COL4A6: variants seen among roughly 807,000 people sequenced by gnomAD.
The protein encoded by COL4A6 is collagen type IV alpha 6 chain, also known as collagen alpha-6(IV) chain.
In COL4A6, 59 loss-of-function variants were observed where a neutral mutation model predicts 126.7. That is an observed-to-expected ratio of 0.47 (90% confidence interval 0.38 to 0.58). COL4A6 has a LOEUF of 0.58. Ranked by LOEUF, COL4A6 falls within the 20% of genes least tolerant of loss-of-function variation. The pLI, the probability that COL4A6 is intolerant of heterozygous loss-of-function variation, is 0.00. For synonymous variants in COL4A6, 547 were observed against 496.6 expected, an observed-to-expected ratio of 1.10 and a Z score of -1.35; for missense variants, 1,285 against 1,337.3, an observed-to-expected ratio of 0.96 and a Z score of 0.61.
At chrX:108,276,437 T>C (rs1381798097) in intron 3 of COL4A6, among the ~76,000 whole-genome samples, 1 of 112,771 alleles carries the variant, frequency 8.9e-6, no homozygotes, top group Non-Finnish European at 1.9e-5. Context: ...AGCTAGAAGA[T>C]AGGCACTTTA....
At chrX:108,317,370 T>G (rs1001632887) in intron 2 of COL4A6, among the ~76,000 whole-genome samples, 1 of 111,834 alleles carries the variant, frequency 8.9e-6, no homozygotes, top group Non-Finnish European at 1.9e-5. Flanking sequence ...GATATTCAAA[T>G]GGAGGAGTTG....
At chrX:108,424,638 T>C (rs1382472352) in intron 2 of COL4A6, among the ~76,000 whole-genome samples, 1 of 111,710 alleles carries the variant, frequency 9.0e-6, no homozygotes, top group Non-Finnish European at 1.9e-5. Flanking sequence ...TATGATATAG[T>C]GTATTGAAAC....
chrX:108,299,471 A>T (rs2147873135), intron 3 of COL4A6, among the ~76,000 whole-genome samples: 1 of 111,083 alleles, frequency 9.0e-6, no homozygotes, highest in East Asian at 2.8e-4. Flanking sequence ...TCTGGGCCCC[A>T]CAGCATGTTC....
At chrX:108,322,776 A>C (rs1347497453) in intron 2 of COL4A6, among the ~76,000 whole-genome samples, 1 of 112,181 alleles carries the variant, frequency 8.9e-6, no homozygotes, top group Non-Finnish European at 1.9e-5. Flanking sequence ...TAGCAAATAA[A>C]AATACAGGAT....
At chrX:108,361,326 C>T (rs2040080525) in intron 2 of COL4A6, among the ~76,000 whole-genome samples, 1 of 111,293 alleles carries the variant, frequency 9.0e-6, no homozygotes, top group Non-Finnish European at 1.9e-5. Flanking sequence ...CAAAAGTTAT[C>T]TGGAGAGAGA....
At chrX:108,402,780 C>CCAT (rs2041116861) in intron 2 of COL4A6, among the ~76,000 whole-genome samples, 2 of 110,521 alleles carry the variant, frequency 1.8e-5, no homozygotes, top group Admixed American at 9.7e-5. Context: ...TTGTTGTTGA[C>CCAT]GTCATATGGT....
chrX:108,424,941 G>A (rs1569463836), intron 2 of COL4A6, among the ~76,000 whole-genome samples: 3 of 110,698 alleles, frequency 2.7e-5, no homozygotes, highest in Admixed American at 9.6e-5. Context: ...GAGCTGGGGA[G>A]GTTGAGGTTA....
At chrX:108,325,816 A>T (rs1210164748) in intron 2 of COL4A6, among the ~76,000 whole-genome samples, 1 of 111,658 alleles carries the variant, frequency 9.0e-6, no homozygotes, top group Non-Finnish European at 1.9e-5. Context: ...AAGAAAAAAA[A>T]AAAAAACTAT....
At chrX:108,169,467 G>C in intron 37 of COL4A6, 28 bp downstream of exon 37, 2 of 1,208,969 alleles carry the variant, frequency 1.7e-6, no homozygotes, top group Non-Finnish European at 2.2e-6. Flanking sequence ...GCCTCACTCA[G>C]CCTCTACAAG....
chrX:108,328,782 C>A (rs1462871545), intron 2 of COL4A6, among the ~76,000 whole-genome samples: 1 of 112,043 alleles, frequency 8.9e-6, no homozygotes, highest in Non-Finnish European at 1.9e-5. Context: ...TATTGCAGCA[C>A]TATTCACAAT....
chrX:108,162,935 G>A lies in COL4A6; in HGVS notation c.4173C>T (p.Gly1391=). 5 of 1,200,457 alleles carry A rather than the reference G, an allele frequency of 4.2e-6. No individual in the cohort carries two copies. Among genetic ancestry groups the A allele is most frequent in the Non-Finnish European group, 5.6e-6 (5 of 889,940 alleles). ...LGLPGIDGIP[G]LTGDPGAQGP... Reference sequence around the variant, plus strand: ...CTTGAGCCCCAGGGTCCCCAGTGAGGCCAGGGATGCCATCGATCCCTGGTA... The same window carrying A: ...CTTGAGCCCCAGGGTCCCCAGTGAGACCAGGGATGCCATCGATCCCTGGTA... Residue 1391 remains glycine (G), a synonymous_variant, in exon 41 of 45, where the codon GGC becomes GGT. Coordinates refer to ENST00000334504, the MANE Select transcript of COL4A6 (RefSeq NM_033641.4).
intron 21 of COL4A6, 99 bp from the exon 22 acceptor site, chrX:108,188,126 T>C (rs971063615): frequency 2.4e-5 from 16 of 660,083 alleles, no homozygotes; most frequent in Middle Eastern, 4.3e-4. Flanking sequence ...CTTGGGTACA[T>C]ATTGGCACTG....
intron 27 of COL4A6, among the ~76,000 whole-genome samples, chrX:108,178,088 G>A (rs1197506791): frequency 8.9e-6 from 1 of 112,452 alleles, no homozygotes; most frequent in East Asian, 2.8e-4. Context: ...AAATAACTCA[G>A]CTTCAGTCAC....
intron 3 of COL4A6, among the ~76,000 whole-genome samples, chrX:108,249,000 C>A (rs1051117172): frequency 5.5e-5 from 6 of 109,597 alleles, no homozygotes; most frequent in Non-Finnish European, 9.5e-5. Flanking sequence ...TTACCACCCC[C>A]ACATGGGACC....
intron 2 of COL4A6, among the ~76,000 whole-genome samples, chrX:108,378,148 T>C (rs893484130): frequency 4.5e-5 from 5 of 110,580 alleles, no homozygotes; most frequent in African/African-American, 1.6e-4. Context: ...AATGCAAATA[T>C]ATGGGATCAT....
At chrX:108,376,764 T>C (rs1046146056) in intron 2 of COL4A6, among the ~76,000 whole-genome samples, 8 of 112,763 alleles carry the variant, frequency 7.1e-5, no homozygotes, top group African/African-American at 2.6e-4. Context: ...TTTCTGAAAA[T>C]ATGTACAAAC....
intron 2 of COL4A6, among the ~76,000 whole-genome samples, chrX:108,424,818 C>T (rs780494531): frequency 2.3e-3 from 256 of 110,967 alleles, no homozygotes; most frequent in African/African-American, 7.9e-3. Context: ...GAGTTTGAGA[C>T]GAGCCTACAA....
chrX:108,224,711 G>A (rs758774249), intron 3 of COL4A6, among the ~76,000 whole-genome samples: 1 of 112,008 alleles, frequency 8.9e-6, no homozygotes, highest in Non-Finnish European at 1.9e-5. Flanking sequence ...ATCCAGATAC[G>A]CTTACTTTGT....
intron 13 of COL4A6, among the ~76,000 whole-genome samples, chrX:108,198,348 C>T (rs2035285893): frequency 9.0e-6 from 1 of 110,906 alleles, no homozygotes; most frequent in Non-Finnish European, 1.9e-5. Flanking sequence ...TATAAGGGGG[C>T]CTTGTACTCC....
Sources: allele counts gnomAD v4.1 joint callset (sites outside exome capture counted in the v4.1 genomes callset), GRCh38; gene constraint gnomAD v4.1.1; transcripts MANE v1.5; gene names NCBI Gene and HGNC (gene_info 2026-07-23, HGNC 2026-07-21).